Variants in RBFOX1 observed in about 807,000 individuals in gnomAD.
RBFOX1 encodes RNA binding fox-1 homolog 1.
RBFOX1 carries 8 observed loss-of-function variants against 57.7 expected under a neutral mutation model. That is an observed-to-expected ratio of 0.14 (90% CI 0.08 to 0.25). The LOEUF (loss-of-function observed/expected upper bound fraction) is 0.25, where lower values mean the gene tolerates loss of function less well. Ranked by LOEUF, RBFOX1 falls within the 10% of genes least tolerant of loss-of-function variation. RBFOX1 has a pLI of 1.00. For missense variants in RBFOX1, 611 were observed against 548.5 expected (o/e 1.11, Z -1.14); for synonymous variants, 326 against 222.4 (o/e 1.47, Z -4.15).
chr16:5,999,002 A>T (rs1342944729), intron 4 of RBFOX1, among the ~76,000 whole-genome samples: 1 of 152,172 alleles, frequency 6.6e-6, no homozygotes, highest in East Asian at 1.9e-4. Flanking sequence ...TGTTATGGGA[A>T]ACATTTATCC....
At chr16:6,551,226 G>GC (rs1348469854) in intron 2 of RBFOX1, among the ~76,000 whole-genome samples, 2 of 152,196 alleles carry the variant, frequency 1.3e-5, no homozygotes, top group African/African-American at 4.8e-5. Flanking sequence ...ATGTTGTGTA[G>GC]CATCAGCTAT....
intron 3 of RBFOX1, among the ~76,000 whole-genome samples, chr16:6,819,523 G>T (rs1053716608): frequency 6.6e-6 from 1 of 151,842 alleles, no homozygotes; most frequent in African/African-American, 2.4e-5. Context: ...GACCAGCATG[G>T]AGAAAACCCA....
intron 4 of RBFOX1, among the ~76,000 whole-genome samples, chr16:5,931,578 G>T (rs544423972): frequency 2.0e-5 from 3 of 152,268 alleles, no homozygotes; most frequent in African/African-American, 7.2e-5. Flanking sequence ...TCTTTGAGCA[G>T]CTGGGTCTGA....
intron 5 of RBFOX1, among the ~76,000 whole-genome samples, chr16:7,560,893 C>CT (rs34385802): frequency 6.6e-6 from 1 of 152,140 alleles, no homozygotes; most frequent in Non-Finnish European, 1.5e-5. Flanking sequence ...ATGAATAAGA[C>CT]TTTTTTCAAG....
intron 4 of RBFOX1, among the ~76,000 whole-genome samples, chr16:5,897,181 G>A (rs757313068): frequency 6.6e-5 from 10 of 151,854 alleles, no homozygotes; most frequent in African/African-American, 2.2e-4. Context: ...GACTACAGGC[G>A]CCCGCCACCG....
chr16:6,816,835 C>G (rs970009061), intron 3 of RBFOX1, among the ~76,000 whole-genome samples: 2 of 152,006 alleles, frequency 1.3e-5, no homozygotes, highest in African/African-American at 4.8e-5. Context: ...GTCTCAAACT[C>G]CTGGGCTCAA....
chr16:5,286,984 G>T (rs544092292), intron 1 of RBFOX1, among the ~76,000 whole-genome samples: 1 of 152,164 alleles, frequency 6.6e-6, no homozygotes. Context: ...AAAGCAACCC[G>T]CTGTCAGAAT....
In RBFOX1 at chr16:5,725,741, C is replaced by G. The variant is rs570459572; in HGVS notation, c.318+126780C>G. 1.8e-4 allele frequency among the ~76,000 whole-genome samples: 28 copies of G among 152,082 alleles called. No individual in the cohort carries two copies. The East Asian group carries it at 5.4e-3, about 30-fold the overall frequency. ...CTGGGACATCTTTTTGCTGCCATTC[C>G]TGCCTCCACGGAGCTTATGCTTCCC... On this transcript the variant is annotated intron_variant, in intron 3 of 19. Transcript: ENST00000641259.
At chr16:6,284,082 G>C (rs954401608) in intron 1 of RBFOX1, among the ~76,000 whole-genome samples, 4 of 152,198 alleles carry the variant, frequency 2.6e-5, no homozygotes, top group Non-Finnish European at 5.9e-5. Flanking sequence ...AAAGAGCACT[G>C]ACAATTAATT....
At chr16:6,568,362 C>G (rs2097296737) in intron 2 of RBFOX1, among the ~76,000 whole-genome samples, 1 of 152,126 alleles carries the variant, frequency 6.6e-6, no homozygotes, top group East Asian at 1.9e-4. Context: ...GGCCTCTTTA[C>G]AGGCTGCTGG....
At chr16:6,122,501 G>A (rs569501103) in intron 1 of RBFOX1, among the ~76,000 whole-genome samples, 4 of 152,044 alleles carry the variant, frequency 2.6e-5, no homozygotes, top group Non-Finnish European at 4.4e-5. Flanking sequence ...TCTCATTCGA[G>A]TTAATCTCTG....
chr16:5,867,923 G>A (rs1040796045), intron 4 of RBFOX1, among the ~76,000 whole-genome samples: 3 of 152,078 alleles, frequency 2.0e-5, no homozygotes, highest in Admixed American at 1.3e-4. Flanking sequence ...TGTTGACCAA[G>A]CTGGTCTCAA....
At chr16:6,208,965 T>G (rs1435168818) in intron 1 of RBFOX1, among the ~76,000 whole-genome samples, 3 of 152,328 alleles carry the variant, frequency 2.0e-5, no homozygotes, top group East Asian at 3.9e-4. Context: ...CATTTTTTTT[T>G]TGTGACCCAA....
At chr16:7,408,172 A>G (rs2149002773) in intron 4 of RBFOX1, among the ~76,000 whole-genome samples, 1 of 152,268 alleles carries the variant, frequency 6.6e-6, no homozygotes, top group East Asian at 1.9e-4. Flanking sequence ...ATTTGTGACA[A>G]CCTCCTATTG....
At chr16:5,954,676 C>T (rs564257470) in intron 4 of RBFOX1, among the ~76,000 whole-genome samples, 3 of 152,000 alleles carry the variant, frequency 2.0e-5, no homozygotes, top group African/African-American at 7.3e-5. Context: ...GTAATCACCC[C>T]TTAACTCTCG....
At chr16:7,230,720 G>T (rs530335523) in intron 4 of RBFOX1, among the ~76,000 whole-genome samples, 6 of 152,094 alleles carry the variant, frequency 3.9e-5, no homozygotes, top group Non-Finnish European at 7.4e-5. Flanking sequence ...GACCTTTAAG[G>T]CCACTTCTGT....
intron 1 of RBFOX1, among the ~76,000 whole-genome samples, chr16:6,063,638 T>A (rs1034054239): frequency 1.3e-5 from 2 of 152,140 alleles, no homozygotes; most frequent in African/African-American, 4.8e-5. Context: ...TTATCAAGCT[T>A]ACCATTTATT....
intron 3 of RBFOX1, among the ~76,000 whole-genome samples, chr16:7,037,400 C>T (rs557804778): frequency 9.0e-4 from 137 of 152,070 alleles, no homozygotes; most frequent in African/African-American, 3.1e-3. Flanking sequence ...CACCACCATG[C>T]CAGAGGTCTT....
chr16:6,693,203 C>T (rs892470142), intron 3 of RBFOX1, among the ~76,000 whole-genome samples: 15 of 151,766 alleles, frequency 9.9e-5, no homozygotes, highest in South Asian at 8.3e-4. Flanking sequence ...CTACCATCAC[C>T]ACCATCATCA....
Sources: allele counts gnomAD v4.1 joint callset (sites outside exome capture counted in the v4.1 genomes callset), GRCh38; gene constraint gnomAD v4.1.1; transcripts MANE v1.5; gene names NCBI Gene and HGNC (gene_info 2026-07-23, HGNC 2026-07-21).